Variants in CDKAL1 observed in about 807,000 individuals in gnomAD.
The protein encoded by CDKAL1 is threonylcarbamoyladenosine tRNA methylthiotransferase.
In CDKAL1, 32 loss-of-function variants were observed where a neutral mutation model predicts 68.2. The observed-to-expected ratio is 0.47, with a 90% confidence interval of 0.35 to 0.63. The LOEUF is 0.63. Ranked by LOEUF, CDKAL1 falls within the 30% of genes least tolerant of loss-of-function variation. The pLI, the probability that CDKAL1 is intolerant of heterozygous loss-of-function variation, is 0.00. For missense variants in CDKAL1, 606 were observed against 696.7 expected, an observed-to-expected ratio of 0.87 and a Z score of 1.47; for synonymous variants, 234 against 244.3, an observed-to-expected ratio of 0.96 and a Z score of 0.39.
intron 4 of CDKAL1, among the ~76,000 whole-genome samples, chr6:20,636,553 A>G (rs1767912604): frequency 6.6e-6 from 1 of 152,178 alleles, no homozygotes; most frequent in African/African-American, 2.4e-5. Flanking sequence ...AGAAGTATAA[A>G]TTTGGCTATC....
intron 4 of CDKAL1, among the ~76,000 whole-genome samples, chr6:20,550,769 C>T (rs892771164): frequency 6.6e-6 from 1 of 151,892 alleles, no homozygotes; most frequent in Non-Finnish European, 1.5e-5. Flanking sequence ...AGGCACTGAC[C>T]CGGTGCTTTA....
chr6:20,635,356 T>C (rs545186226), intron 4 of CDKAL1, among the ~76,000 whole-genome samples: 5 of 152,164 alleles, frequency 3.3e-5, no homozygotes, highest in Admixed American at 6.5e-5. Context: ...CCTTCCTTTG[T>C]AGTCCCTGGT....
chr6:20,952,300 T>G (rs1212622148), intron 9 of CDKAL1, among the ~76,000 whole-genome samples: 1 of 151,798 alleles, frequency 6.6e-6, no homozygotes, highest in Admixed American at 6.6e-5. Flanking sequence ...GACATATACT[T>G]ACCAAATTCC....
At chr6:20,571,958 G>A (rs1444788956) in intron 4 of CDKAL1, among the ~76,000 whole-genome samples, 2 of 152,058 alleles carry the variant, frequency 1.3e-5, no homozygotes, top group African/African-American at 4.8e-5. Context: ...TCTCATAAAA[G>A]AGGAAAATAA....
At chr6:20,666,857 T>G (rs1769572533) in intron 5 of CDKAL1, among the ~76,000 whole-genome samples, 1 of 152,152 alleles carries the variant, frequency 6.6e-6, no homozygotes, top group South Asian at 2.1e-4. Flanking sequence ...ATTTAGCTCT[T>G]CTAGTATCAT....
At chr6:20,716,551 A>G (rs952065984) in intron 5 of CDKAL1, among the ~76,000 whole-genome samples, 18 of 131,158 alleles carry the variant, frequency 1.4e-4, no homozygotes, top group Non-Finnish European at 2.5e-4. Flanking sequence ...GAAGAGAGCA[A>G]TCGGGTAACT....
intron 9 of CDKAL1, among the ~76,000 whole-genome samples, chr6:20,925,478 A>G (rs1013339056): frequency 7.9e-5 from 12 of 152,206 alleles, no homozygotes; most frequent in Non-Finnish European, 1.2e-4. Context: ...TGTACTTACT[A>G]TAGAATATAC....
At chr6:20,780,676 T>C (rs74869975) in intron 7 of CDKAL1, among the ~76,000 whole-genome samples, 12 of 40,760 alleles carry the variant, frequency 2.9e-4, no homozygotes, top group Admixed American at 7.7e-4. Flanking sequence ...TTTTCTTTTT[T>C]TTTTTTTTTT....
intron 8 of CDKAL1, among the ~76,000 whole-genome samples, chr6:20,800,404 G>C (rs12215519): frequency 0.16 from 24,601 of 152,154 alleles, 2,566 homozygotes; most frequent in Middle Eastern, 0.27. Context: ...TCTAGTTCCA[G>C]AAAGCAAATA....
intron 9 of CDKAL1, among the ~76,000 whole-genome samples, chr6:20,907,059 T>C (rs750956951): frequency 2.0e-5 from 3 of 152,124 alleles, no homozygotes; most frequent in Admixed American, 6.5e-5. Flanking sequence ...ATAGTGATTC[T>C]CAGGGATTGA....
intron 9 of CDKAL1, among the ~76,000 whole-genome samples, chr6:20,898,570 G>A (rs1305148908): frequency 1.3e-5 from 2 of 151,672 alleles, no homozygotes; most frequent in Admixed American, 6.6e-5. Context: ...ACTATTGATG[G>A]TAACTATTTT....
chr6:20,898,312 T>C (rs1454854669), intron 9 of CDKAL1, among the ~76,000 whole-genome samples: 2 of 151,170 alleles, frequency 1.3e-5, no homozygotes, highest in Non-Finnish European at 2.9e-5. Context: ...TGTCTGCTCA[T>C]TCACGTCCCT....
chr6:21,187,880 T>C (rs1023710565), intron 13 of CDKAL1, among the ~76,000 whole-genome samples: 4 of 152,206 alleles, frequency 2.6e-5, no homozygotes, highest in Non-Finnish European at 5.9e-5. Context: ...GGATGGGGAA[T>C]GTATGAAAAA....
chr6:20,905,265 G>A (rs1010913697), intron 9 of CDKAL1, among the ~76,000 whole-genome samples: 5 of 152,098 alleles, frequency 3.3e-5, no homozygotes, highest in East Asian at 1.9e-4. Context: ...TCAAGAAGCC[G>A]AAAATAAATT....
At chr6:20,846,031 A>C in intron 8 of CDKAL1, 44 bp from the exon 9 acceptor site, 1 of 1,237,508 alleles carries the variant, frequency 8.1e-7, no homozygotes, top group Non-Finnish European at 1.2e-6. Context: ...AGTATATGCT[A>C]TCTTTAGAAA....
At chr6:21,145,395 C>T (rs1033530237) in intron 13 of CDKAL1, among the ~76,000 whole-genome samples, 1 of 151,826 alleles carries the variant, frequency 6.6e-6, no homozygotes, top group African/African-American at 2.4e-5. Flanking sequence ...GATTTTTTTC[C>T]CCTCCTCCTG....
chr6:21,218,630 A>G (rs970528467), intron 15 of CDKAL1, among the ~76,000 whole-genome samples: 12 of 152,280 alleles, frequency 7.9e-5, no homozygotes, highest in Non-Finnish European at 1.6e-4. Flanking sequence ...TTGGCTGGCT[A>G]TTGGTCAGAG....
chr6:20,757,020 A>C (rs1774245834), intron 6 of CDKAL1, among the ~76,000 whole-genome samples: 1 of 149,844 alleles, frequency 6.7e-6, no homozygotes, highest in African/African-American at 2.5e-5. Context: ...TACAACCTCC[A>C]CCTCCCATGT....
At chr6:20,647,038 C>T (rs117283001) in intron 4 of CDKAL1, among the ~76,000 whole-genome samples, 1 of 152,344 alleles carries the variant, frequency 6.6e-6, no homozygotes, top group East Asian at 1.9e-4. Context: ...AGCACCTGCA[C>T]CCGGCCCTTA....
Sources: allele counts gnomAD v4.1 joint callset (sites outside exome capture counted in the v4.1 genomes callset), GRCh38; gene constraint gnomAD v4.1.1; transcripts MANE v1.5; gene names NCBI Gene and HGNC (gene_info 2026-07-23, HGNC 2026-07-21).